Variants in NSUN3 observed in about 807,000 individuals in gnomAD.
The protein encoded by NSUN3 is NOP2/Sun RNA methyltransferase 3, also known as tRNA (cytosine(34)-C(5))-methyltransferase, mitochondrial.
Under a neutral mutation model 36.8 loss-of-function variants are expected in NSUN3, and 24 were observed. The observed-to-expected ratio is 0.65, with a 90% CI of 0.47 to 0.92. The LOEUF is 0.92. Ranked by LOEUF, NSUN3 falls within the 40% of genes least tolerant of loss-of-function variation. NSUN3 has a pLI of 0.00. For synonymous variants in NSUN3, 146 were observed against 145.2 expected, an observed-to-expected ratio of 1.01 and a Z score of -0.04; for missense variants, 381 against 392.8, an observed-to-expected ratio of 0.97 and a Z score of 0.25.
At chr3:94,121,026 A>T (rs1016717327) in intron 5 of NSUN3, among the ~76,000 whole-genome samples, 1 of 152,214 alleles carries the variant, frequency 6.6e-6, no homozygotes, top group Non-Finnish European at 1.5e-5. Flanking sequence ...GAAAACAAAA[A>T]ACGCCATCAT....
chr3:94,093,251 A>T (rs1156513606), intron 3 of NSUN3, among the ~76,000 whole-genome samples: 2 of 152,060 alleles, frequency 1.3e-5, no homozygotes, highest in Non-Finnish European at 2.9e-5. Flanking sequence ...GAAAAAAAAA[A>T]ATATGTAACT....
chr3:94,102,219 A>C (rs564615191), intron 5 of NSUN3, among the ~76,000 whole-genome samples: 8 of 151,276 alleles, frequency 5.3e-5, no homozygotes, highest in Admixed American at 2.0e-4. Flanking sequence ...AAAAAAAAAA[A>C]AAAAAACACT....
chr3:94,093,662 G>C (rs1241659272), intron 3 of NSUN3, among the ~76,000 whole-genome samples: 2 of 152,116 alleles, frequency 1.3e-5, no homozygotes, highest in Non-Finnish European at 2.9e-5. Flanking sequence ...AAGGAATAAT[G>C]GTTCCTGTGG....
intron 2 of NSUN3, among the ~76,000 whole-genome samples, chr3:94,080,264 G>T (rs988692068): frequency 6.6e-6 from 1 of 152,182 alleles, no homozygotes; most frequent in South Asian, 2.1e-4. Flanking sequence ...AGCAAAGATT[G>T]TTGCGTGTTC....
chr3:94,063,163 A>G (rs200084381), intron 1 of NSUN3, 25 bp downstream of exon 1: 3 of 1,613,430 alleles, frequency 1.9e-6, no homozygotes, highest in African/African-American at 1.3e-5. Context: ...CCGGCTGGGT[A>G]CCTCTATCTG....
At chr3:94,082,223 T>G (rs2077272353) in intron 2 of NSUN3, 1 of 152,114 alleles carries the variant, frequency 6.6e-6, no homozygotes, top group Admixed American at 6.5e-5. Context: ...GATTTCCCTT[T>G]GGGATCAGTT....
intron 3 of NSUN3, among the ~76,000 whole-genome samples, chr3:94,086,250 G>A (rs2077292416): frequency 6.6e-6 from 1 of 152,138 alleles, no homozygotes; most frequent in Admixed American, 6.5e-5. Flanking sequence ...CACTTCCTCA[G>A]CCAAAACACT....
rs1379553896 is a variant in NSUN3 at position 94,084,208 on chromosome 3, A to G, written c.224A>G (p.His75Arg). The G allele has an allele frequency of 6.2e-7, 1 of 1,613,976 alleles. No homozygotes were observed. Among genetic ancestry groups the G allele is most frequent in the Non-Finnish European group, 8.5e-7 (1 of 1,179,960 alleles). The change falls in exon 3 of 6, where the codon CAC becomes CGC. Residue 75 changes from histidine (H) to arginine (R), a missense_variant. His to Arg is a conservative substitution (Grantham distance 29). Coordinates refer to ENST00000314622, the MANE Select transcript of NSUN3 (RefSeq NM_022072.5). ...AAGGATTTACATTTGAAGGGCTATCACACACTCTCTCAGGGATCTTTACCC... is the reference window on the plus strand; with the variant it reads ...AAGGATTTACATTTGAAGGGCTATCGCACACTCTCTCAGGGATCTTTACCC... ...LEKDLHLKGYHTLSQGSLPNY... is the reference protein window; with the variant it reads ...LEKDLHLKGYRTLSQGSLPNY...
chr3:94,126,433 C>T lies in NSUN3; in HGVS notation c.966C>T (p.Ala322=). The T allele has an allele frequency of 1.2e-6, 2 of 1,614,080 alleles. No individual in the cohort carries two copies. The highest frequency in any genetic ancestry group is 1.7e-6 in the Non-Finnish European group (2 of 1,179,938). ...GLLVIPDKGK[A]WGPMYVAKLK... Reference sequence around the variant, plus strand: ...TAGTGATTCCAGATAAGGGCAAAGCCTGGGGCCCAATGTATGTAGCCAAAT... The same window carrying T: ...TAGTGATTCCAGATAAGGGCAAAGCTTGGGGCCCAATGTATGTAGCCAAAT... The change falls in exon 6 of 6, where the codon GCC becomes GCT. Residue 322 remains alanine (A), a synonymous_variant. Transcript: ENST00000314622.
At chr3:94,080,445 A>T (rs944120227) in intron 2 of NSUN3, among the ~76,000 whole-genome samples, 6 of 152,182 alleles carry the variant, frequency 3.9e-5, no homozygotes, top group Non-Finnish European at 7.3e-5. Context: ...CTGTGCTGGG[A>T]GGTCCGCTGC....
intron 2 of NSUN3, among the ~76,000 whole-genome samples, chr3:94,074,172 G>T (rs1391916996): frequency 3.9e-5 from 6 of 152,056 alleles, no homozygotes; most frequent in Non-Finnish European, 5.9e-5. Flanking sequence ...ATCTGTTTTG[G>T]TACCAGTTCC....
rs958988144 is a variant in NSUN3, at chr3:94,128,205, CAA to C, written c.*1716_*1717del. The C allele has an allele frequency of 2.0e-5, 3 of 151,846 alleles. No individual in the cohort carries two copies. Among genetic ancestry groups the C allele is most frequent in the African/African-American group, 7.3e-5 (3 of 41,348 alleles). The allele number at this position is 151,846 out of a possible 1,614,324, so 9.4% of individuals were successfully genotyped here. On this transcript the variant is annotated 3_prime_UTR_variant, in exon 6 of 6. Coordinates refer to ENST00000314622, the MANE Select transcript of NSUN3 (RefSeq NM_022072.5). ...CGCCATTGCACTCCAGCCTGGGCGA[CAA>C]GAGTGAAACCCCGTAGCAAAAAAAT...
Position 94,084,429 on chromosome 3 carries a change from C to T in NSUN3, c.445C>T (p.Leu149=). The part of the protein sequence containing the change: ...CAAPGGKSIA[L]LQCACPGYLH... Reference sequence around the variant, plus strand: ...TGCTCCTGGAGGGAAATCAATAGCTCTGCTGCAGTGTGCTTGTCCAGGTAG... The same window carrying T: ...TGCTCCTGGAGGGAAATCAATAGCTTTGCTGCAGTGTGCTTGTCCAGGTAG... The change falls in exon 3 of 6, where the codon CTG becomes TTG. Residue 149 remains leucine (L), a synonymous_variant. Transcript: ENST00000314622. 6.2e-7 allele frequency: 1 copy of T among 1,613,526 alleles called. No individual in the cohort carries two copies. Among genetic ancestry groups the T allele is most frequent in the Non-Finnish European group, 8.5e-7 (1 of 1,179,664 alleles).
At chr3:94,080,627 G>C (rs533464269) in intron 2 of NSUN3, among the ~76,000 whole-genome samples, 144 of 152,290 alleles carry the variant, frequency 9.5e-4, no homozygotes, top group Non-Finnish European at 1.9e-3. Flanking sequence ...AAATCTGACA[G>C]TCTGGCCACA....
At chr3:94,106,310 TG>T (rs1228207297) in intron 5 of NSUN3, among the ~76,000 whole-genome samples, 1 of 152,196 alleles carries the variant, frequency 6.6e-6, no homozygotes, top group Non-Finnish European at 1.5e-5. Context: ...TATCAGCATT[TG>T]TTTTTGTTTC....
chr3:94,097,630 T>G (rs965253249), intron 5 of NSUN3, among the ~76,000 whole-genome samples: 1 of 152,228 alleles, frequency 6.6e-6, no homozygotes, highest in African/African-American at 2.4e-5. Context: ...TTAATAGCTG[T>G]GTTGAATTGT....
In NSUN3 at chr3:94,094,121, T is replaced by C; in HGVS notation, c.467-19T>C. Reference sequence around the variant, plus strand: ...GTTCCATTGCCTTCATTTGAAACTTTTTAATCCTTTTTATTTAGGTTATCT... The same window carrying C: ...GTTCCATTGCCTTCATTTGAAACTTCTTAATCCTTTTTATTTAGGTTATCT... On this transcript the variant is annotated intron_variant, in intron 3 of 5. Coordinates refer to ENST00000314622, the MANE Select transcript of NSUN3 (RefSeq NM_022072.5). The C allele has an allele frequency of 3.2e-6, 5 of 1,551,416 alleles. No individual in the cohort carries two copies. The highest frequency in any genetic ancestry group is 4.3e-6 in the Non-Finnish European group (5 of 1,151,334).
At chr3:94,063,245 G>A in intron 1 of NSUN3, 107 bp downstream of exon 1, 2 of 1,102,742 alleles carry the variant, frequency 1.8e-6, no homozygotes, top group South Asian at 1.2e-5. Flanking sequence ...ACCTTTGTTC[G>A]TCCCCTCGCG....
rs1370050096 is a variant in NSUN3 at position 94,130,014 on chromosome 3, A to G, written c.*3524A>G. ...TGTCATCCACCTGCCTCAGCCTCCC[A>G]AAGTGCTGGGATTACAGGCGTGAGC... On this transcript the variant is annotated 3_prime_UTR_variant, in exon 6 of 6. Coordinates refer to ENST00000314622, the MANE Select transcript of NSUN3 (RefSeq NM_022072.5). 6.6e-6 allele frequency among the ~76,000 whole-genome samples: 1 copy of G among 152,064 alleles called. No homozygotes were observed. The highest frequency in any genetic ancestry group is 1.5e-5 in the Non-Finnish European group (1 of 68,000).
Sources: gnomAD v4.1 joint callset for allele counts (sites outside exome capture counted in the v4.1 genomes callset) on GRCh38, gnomAD v4.1.1 for gene constraint, MANE v1.5 for transcripts, NCBI Gene and HGNC (gene_info 2026-07-23, HGNC 2026-07-21) for gene names.